The following SLIT1 variants were observed in gnomAD, a reference collection of about 807,000 sequenced individuals.
SLIT1 encodes the protein slit homolog 1 protein.
A neutral mutation model predicts 186.1 loss-of-function variants in SLIT1; 66 were observed. The ratio of observed to expected loss-of-function variants is 0.35; its 90% CI spans 0.29 to 0.44. SLIT1 has a LOEUF of 0.44. Among genes scored for constraint, SLIT1 ranks in the 20% least tolerant of loss-of-function variants. The probability of loss-of-function intolerance (pLI) is 1.00; values close to 1 mark genes in which losing one functional copy is unlikely to be tolerated. For synonymous variants in SLIT1, 761 were observed against 833.8 expected (o/e 0.91, Z 1.50); for missense variants, 1,638 against 2,037.4 (o/e 0.80, Z 3.77).
intron 1 of SLIT1, among the ~76,000 whole-genome samples, chr10:97,166,230 T>C (rs183255216): frequency 0.014 from 2,170 of 151,964 alleles, 55 homozygotes; most frequent in African/African-American, 0.049. Flanking sequence ...AAGTGTTTGG[T>C]CCGGCCTGGT....
At position 97,004,272 on chromosome 10, in the gene SLIT1, C is replaced by T. The variant is rs1414381115; in HGVS notation, c.3711-50G>A. 6.4e-7 allele frequency: 1 copy of T among 1,558,320 alleles called. No individual in the cohort carries two copies. The highest frequency in any genetic ancestry group is 1.8e-5 in the Admixed American group (1 of 56,018). On this transcript the variant is annotated intron_variant, in intron 33 of 36. Transcript: ENST00000266058. The surrounding 1 kb of genome is among the most constrained non-coding windows in gnomAD (Gnocchi z 5.1). ...TCCAGGGAGTGGGCATCAGTCTGGA[C>T]CATCCCTGCCTGGGCACTTCCCCAG...
intron 1 of SLIT1, among the ~76,000 whole-genome samples, chr10:97,172,520 G>A (rs530558828): frequency 6.6e-6 from 1 of 152,356 alleles, no homozygotes; most frequent in Non-Finnish European, 1.5e-5. Context: ...ATGCAGGAAA[G>A]AATCTGCATT....
chr10:97,044,694 T>A (rs1344984378), intron 18 of SLIT1, among the ~76,000 whole-genome samples: 1 of 152,180 alleles, frequency 6.6e-6, no homozygotes, highest in African/African-American at 2.4e-5. Context: ...GGAGATGCCT[T>A]TATACCTCCC....
intron 22 of SLIT1, among the ~76,000 whole-genome samples, chr10:97,036,930 G>A (rs1848643350): frequency 1.3e-5 from 2 of 152,234 alleles, no homozygotes; most frequent in African/African-American, 2.4e-5. Flanking sequence ...TTACAGGTAT[G>A]TATTTGTAGC....
Position 97,011,030 on chromosome 10 carries a change from C to T in SLIT1, c.3304G>A (p.Val1102Ile), listed in dbSNP as rs1010072437. The T allele has an allele frequency of 1.2e-6, 2 of 1,614,106 alleles. No individual in the cohort carries two copies. The highest frequency in any genetic ancestry group is 2.7e-5 in the African/African-American group (2 of 75,044). The change falls in exon 31 of 37, where the codon GTC becomes ATC. Residue 1102 changes from valine to isoleucine, a missense_variant. By Grantham distance (29) the Val-to-Ile change is conservative. This residue lies in a region of SLIT1 where 1,245 missense variants were observed against 1,535.3 expected (regional missense o/e 0.81). Coordinates refer to ENST00000266058, the MANE Select transcript of SLIT1 (RefSeq NM_003061.3). ...CQNGAQCMDE[V>I]NSYSCLCAEG... is the part of the protein sequence containing the mutation. ...GCACAGAGGCAGGAGTAGCTGTTGA[C>T]TTCATCCATACACTGGGCCCCATTC... is the stretch of plus-strand genomic sequence containing the variant.
intron 36 of SLIT1, 93 bp from the exon 37 acceptor site, chr10:97,001,443 C>T: frequency 1.1e-6 from 1 of 948,050 alleles, no homozygotes; most frequent in South Asian, 1.5e-5. Context: ...AGGAGGAGGG[C>T]AGCATCTGTG....
In SLIT1 at chr10:97,034,321, A is replaced by G. The variant is rs181978013; in HGVS notation, c.2438+150T>C. The G allele has an allele frequency of 1.4e-3, 926 of 665,896 alleles. 12 individuals carry two copies. The Admixed American group carries it at 0.017, about 12-fold the overall frequency. The allele number at this position is 665,896 out of a possible 1,614,324, so 41.2% of individuals were successfully genotyped here. ...TTCACAATGAAAGATGTTTTTTCAA[A>G]GTCTTTTAGGCTCTCAGGCCCGGCA... is the stretch of plus-strand genomic sequence containing the variant. On this transcript the variant is annotated intron_variant, in intron 23 of 36. Coordinates refer to ENST00000266058, the MANE Select transcript of SLIT1 (RefSeq NM_003061.3).
At chr10:97,165,647 C>T (rs530821354) in intron 1 of SLIT1, among the ~76,000 whole-genome samples, 7 of 152,130 alleles carry the variant, frequency 4.6e-5, no homozygotes, top group African/African-American at 1.4e-4. Context: ...CACAGAAGGC[C>T]GGAGAGAGCA....
intron 4 of SLIT1, among the ~76,000 whole-genome samples, chr10:97,138,174 A>G (rs1849720722): frequency 6.6e-6 from 1 of 152,218 alleles, no homozygotes; most frequent in Admixed American, 6.5e-5. Context: ...GGCATTTTAC[A>G]TACGCGGGTT....
In SLIT1 at chr10:97,010,548, A is replaced by T. The variant is rs1167628430; in HGVS notation, c.3341+445T>A. On this transcript the variant is annotated intron_variant, in intron 31 of 36. Transcript: ENST00000266058. The surrounding 1 kb of genome is among the most constrained non-coding windows in gnomAD (Gnocchi z 4.8). Reference sequence around the variant, plus strand: ...TGGAATTTTACATGTAACTGTGTAAACTGTATGGTACATGAATTATATCTC... The same window carrying T: ...TGGAATTTTACATGTAACTGTGTAATCTGTATGGTACATGAATTATATCTC... 6.6e-6 allele frequency among the ~76,000 whole-genome samples: 1 copy of T among 152,230 alleles called. No homozygotes were observed. The highest frequency in any genetic ancestry group is 1.5e-5 in the Non-Finnish European group (1 of 68,046).
chr10:97,002,435 C>T, intron 35 of SLIT1, 66 bp from the exon 36 acceptor site: 1 of 1,278,388 alleles, frequency 7.8e-7, no homozygotes, highest in Non-Finnish European at 1.1e-6. Context: ...ACACAGCCCG[C>T]CCCACCTGAC....
At chr10:97,040,641 C>T (rs1053429400) in intron 20 of SLIT1, among the ~76,000 whole-genome samples, 3 of 152,120 alleles carry the variant, frequency 2.0e-5, no homozygotes, top group Non-Finnish European at 4.4e-5. Flanking sequence ...GATGAATTTC[C>T]ATTTTATTGA....
intron 4 of SLIT1, among the ~76,000 whole-genome samples, chr10:97,152,586 C>T (rs535543835): frequency 1.3e-4 from 20 of 152,288 alleles, no homozygotes; most frequent in Non-Finnish European, 2.6e-4. Flanking sequence ...CAAACAGGCT[C>T]GGTTAAAGGA....
intron 13 of SLIT1, among the ~76,000 whole-genome samples, chr10:97,049,883 C>T (rs1041137333): frequency 1.3e-5 from 2 of 152,206 alleles, no homozygotes; most frequent in African/African-American, 2.4e-5. Flanking sequence ...AGCAGATGGC[C>T]GTGATGGGTT....
intron 6 of SLIT1, 78 bp downstream of exon 6, chr10:97,064,727 G>A (rs546378755): frequency 2.2e-5 from 23 of 1,048,090 alleles, no homozygotes; most frequent in Middle Eastern, 3.0e-4. Flanking sequence ...CCTGATGCCC[G>A]CTGCCTAGGC....
chr10:97,092,796 A>C (rs1849247105), intron 4 of SLIT1, among the ~76,000 whole-genome samples: 1 of 152,242 alleles, frequency 6.6e-6, no homozygotes, highest in Non-Finnish European at 1.5e-5. Flanking sequence ...GCAAGACCCA[A>C]AAATGATAAT....
intron 4 of SLIT1, among the ~76,000 whole-genome samples, chr10:97,081,159 G>A (rs534391726): frequency 5.3e-5 from 8 of 152,330 alleles, no homozygotes; most frequent in Admixed American, 3.3e-4. Context: ...GCTGGGAAAG[G>A]CAGGATTTAA....
intron 20 of SLIT1, among the ~76,000 whole-genome samples, chr10:97,040,960 A>G (rs1848685389): frequency 6.6e-6 from 1 of 152,144 alleles, no homozygotes; most frequent in East Asian, 1.9e-4. Flanking sequence ...GGGTGAACTC[A>G]CTGAATCCTC....
chr10:97,105,703 G>A (rs1284880926), intron 4 of SLIT1, among the ~76,000 whole-genome samples: 1 of 152,088 alleles, frequency 6.6e-6, no homozygotes, highest in East Asian at 1.9e-4. Flanking sequence ...ATCTCCGCAG[G>A]GTCTTAATTA....
Sources: gnomAD v4.1 joint callset for allele counts (sites outside exome capture counted in the v4.1 genomes callset) on GRCh38, gnomAD v4.1.1 for gene constraint, gnomAD v4.1.1 regional missense constraint, Gnocchi (gnomAD v3.1) non-coding constraint, MANE v1.5 for transcripts, NCBI Gene and HGNC (gene_info 2026-07-23, HGNC 2026-07-21) for gene names.